The following ITPRID1 variants were observed in gnomAD, a reference collection of about 807,000 sequenced individuals.
ITPRID1 encodes the protein protein ITPRID1.
Under a neutral mutation model 95.4 loss-of-function variants are expected in ITPRID1, and 96 were observed. That is an observed-to-expected ratio of 1.01 (90% CI 0.85 to 1.19). The LOEUF is 1.19. ITPRID1 is among the 50% of genes most tolerant of loss of function. The pLI, the probability that ITPRID1 is intolerant of heterozygous loss-of-function variation, is 0.00. For missense variants in ITPRID1, 1,339 were observed against 1,252.9 expected (o/e 1.07, Z -1.04); for synonymous variants, 510 against 453.6 (o/e 1.12, Z -1.58).
At position 31,654,072 on chromosome 7, in the gene ITPRID1, A is replaced by G. The variant is rs76278367; in HGVS notation, c.*1243A>G. ...TAAGTCCAAAAAAAAAAAAAAAAAAACCAACAAGCAAATAATTACAATCCT... is the reference window on the plus strand; with the variant it reads ...TAAGTCCAAAAAAAAAAAAAAAAAAGCCAACAAGCAAATAATTACAATCCT... On this transcript the variant is annotated 3_prime_UTR_variant, in exon 15 of 15. Coordinates refer to ENST00000615280, the MANE Select transcript of ITPRID1 (RefSeq NM_001257967.3). Among the ~76,000 whole-genome samples, 39 of 130,946 alleles carry G rather than the reference A, an allele frequency of 3.0e-4. No individual in the cohort carries two copies. The highest frequency in any genetic ancestry group is 1.1e-3 in the African/African-American group (39 of 35,166). The allele number at this position is 130,946 out of a possible 152,430, so 85.9% of individuals were successfully genotyped here. A position where few individuals can be genotyped will look rare whatever the true frequency, so the allele number is the denominator to read the frequency against.
At chr7:31,638,387 C>T (rs1351108245) in intron 10 of ITPRID1, among the ~76,000 whole-genome samples, 1 of 152,140 alleles carries the variant, frequency 6.6e-6, no homozygotes, top group Non-Finnish European at 1.5e-5. Context: ...CTGTAAAAGT[C>T]GCACATCAGA....
In ITPRID1 at chr7:31,643,879, A is replaced by C. The variant is rs748900828; in HGVS notation, c.2509A>C (p.Thr837Pro). Residue 837 changes from threonine (T) to proline (P), a missense_variant, in exon 12 of 15, where the codon ACT becomes CCT. Physicochemically the swap from Thr to Pro is conservative, Grantham distance 38. Transcript: ENST00000615280. ...CTGTAGGCACTGCCTGTGTTCACTA[A>C]CTGGTCACCAGGAAGCCCAGTTCAT... ...SVCRHCLCSLTGHQEAQFMTT... is the reference protein window; with the variant it reads ...SVCRHCLCSLPGHQEAQFMTT... The C allele has an allele frequency of 6.2e-7, 1 of 1,613,854 alleles. No individual in the cohort carries two copies. The highest frequency in any genetic ancestry group is 1.1e-5 in the South Asian group (1 of 91,074).
At chr7:31,559,951 C>T (rs1248738250) in intron 5 of ITPRID1, among the ~76,000 whole-genome samples, 1 of 152,100 alleles carries the variant, frequency 6.6e-6, no homozygotes, top group Non-Finnish European at 1.5e-5. Flanking sequence ...TTGATTGCCT[C>T]CTAAAACCAG....
At chr7:31,602,698 G>A (rs959238177) in intron 10 of ITPRID1, among the ~76,000 whole-genome samples, 1 of 152,132 alleles carries the variant, frequency 6.6e-6, no homozygotes. Flanking sequence ...GAGTCGTCTT[G>A]CTGTCCCCTG....
chr7:31,649,797 G>A (rs558203988), intron 12 of ITPRID1, among the ~76,000 whole-genome samples: 9 of 152,272 alleles, frequency 5.9e-5, no homozygotes, highest in East Asian at 5.8e-4. Context: ...TCAGAGTGCC[G>A]GCAAATGGAC....
chr7:31,656,132 C>A lies in ITPRID1; in HGVS notation c.*3303C>A. ...TTTTTGAAACTCCTATATCACTTTG[C>A]TTTTTTGTTAAAACACTGAAAACCT... On this transcript the variant is annotated 3_prime_UTR_variant, in exon 15 of 15. Transcript: ENST00000615280. The A allele has an allele frequency of 1.6e-6, 1 of 636,796 alleles. No individual in the cohort carries two copies. Among genetic ancestry groups the A allele is most frequent in the Non-Finnish European group, 2.0e-6 (1 of 511,892 alleles). 39.4% of individuals were successfully genotyped at this position (636,796 alleles called of 1,614,324 possible).
intron 10 of ITPRID1, among the ~76,000 whole-genome samples, chr7:31,599,686 C>CTT (rs1434474880): frequency 1.0e-4 from 14 of 138,320 alleles, no homozygotes; most frequent in African/African-American, 3.7e-4. Context: ...CTCTCTCTCT[C>CTT]TCTCTCTTTC....
chr7:31,602,039 G>GT (rs541082032), intron 10 of ITPRID1, among the ~76,000 whole-genome samples: 18 of 151,390 alleles, frequency 1.2e-4, no homozygotes, highest in South Asian at 1.0e-3. Context: ...TATGATAAGG[G>GT]GTTTTTTTTT....
At chr7:31,610,553 A>T (rs994598315) in intron 10 of ITPRID1, among the ~76,000 whole-genome samples, 23 of 151,698 alleles carry the variant, frequency 1.5e-4, no homozygotes, top group African/African-American at 5.1e-4. Context: ...TGGAGTTTTA[A>T]AGTATTCAAC....
intron 10 of ITPRID1, among the ~76,000 whole-genome samples, chr7:31,640,500 C>A (rs939431894): frequency 6.6e-6 from 1 of 152,228 alleles, no homozygotes; most frequent in Non-Finnish European, 1.5e-5. Flanking sequence ...CTGCAAGGCT[C>A]AGCCTGGGTT....
At chr7:31,557,196 A>G (rs1288618032) in intron 5 of ITPRID1, among the ~76,000 whole-genome samples, 1 of 152,132 alleles carries the variant, frequency 6.6e-6, no homozygotes, top group Non-Finnish European at 1.5e-5. Flanking sequence ...CCAGGTGGAC[A>G]TGAAATTCCA....
chr7:31,533,942 G>A (rs1055895048), intron 1 of ITPRID1, among the ~76,000 whole-genome samples: 1 of 152,098 alleles, frequency 6.6e-6, no homozygotes, highest in Non-Finnish European at 1.5e-5. Flanking sequence ...CAAACCAGGC[G>A]ACCCAGCAGA....
chr7:31,573,651 G>A (rs1057043357), intron 7 of ITPRID1, among the ~76,000 whole-genome samples: 2 of 151,922 alleles, frequency 1.3e-5, no homozygotes, highest in East Asian at 1.9e-4. Context: ...GTAAAATCTC[G>A]TCAAAAGGTC....
intron 10 of ITPRID1, among the ~76,000 whole-genome samples, chr7:31,614,563 T>A (rs933740202): frequency 7.2e-5 from 11 of 152,192 alleles, no homozygotes; most frequent in African/African-American, 2.7e-4. Flanking sequence ...CCTGTTGTAT[T>A]TAATACCATA....
At chr7:31,620,257 G>C (rs974588477) in intron 10 of ITPRID1, among the ~76,000 whole-genome samples, 1 of 152,026 alleles carries the variant, frequency 6.6e-6, no homozygotes. Context: ...AGAGAGCAGT[G>C]GTTCTCCCAG....
At chr7:31,590,715 AT>A (rs1439513918) in intron 10 of ITPRID1, among the ~76,000 whole-genome samples, 1 of 152,110 alleles carries the variant, frequency 6.6e-6, no homozygotes, top group Non-Finnish European at 1.5e-5. Context: ...AGGACACTAA[AT>A]TTCACTCCTA....
intron 10 of ITPRID1, among the ~76,000 whole-genome samples, chr7:31,620,609 T>C (rs2128176493): frequency 6.6e-6 from 1 of 150,404 alleles, no homozygotes; most frequent in African/African-American, 2.4e-5. Context: ...AACCCATCTG[T>C]ACATCACCAT....
chr7:31,630,215 G>A (rs904394303), intron 10 of ITPRID1, among the ~76,000 whole-genome samples: 1 of 83,962 alleles, frequency 1.2e-5, no homozygotes, highest in African/African-American at 4.2e-5. Flanking sequence ...GAGGAAAAGA[G>A]GCAATCAAAG....
chr7:31,600,851 AT>A, intron 10 of ITPRID1, among the ~76,000 whole-genome samples: 1 of 152,128 alleles, frequency 6.6e-6, no homozygotes, highest in Non-Finnish European at 1.5e-5. Flanking sequence ...TACTAGTTTG[AT>A]GTTAACAGGT....
Sources: allele counts gnomAD v4.1 joint callset (sites outside exome capture counted in the v4.1 genomes callset), GRCh38; gene constraint gnomAD v4.1.1; transcripts MANE v1.5; gene names NCBI Gene and HGNC (gene_info 2026-07-23, HGNC 2026-07-21).